Variants in LRRC4C observed in about 807,000 individuals in gnomAD.
LRRC4C encodes the protein leucine-rich repeat-containing protein 4C.
In LRRC4C, 5 loss-of-function variants were observed where a neutral mutation model predicts 33.6. The ratio of observed to expected loss-of-function variants is 0.15; its 90% CI spans 0.08 to 0.31. The LOEUF (loss-of-function observed/expected upper bound fraction) is 0.31, where lower values mean the gene tolerates loss of function less well. Among genes scored for constraint, LRRC4C ranks in the 10% least tolerant of loss-of-function variants. The pLI, the probability that LRRC4C is intolerant of heterozygous loss-of-function variation, is 1.00. For synonymous variants in LRRC4C, 329 were observed against 302.0 expected, an observed-to-expected ratio of 1.09 and a Z score of -0.93; for missense variants, 560 against 796.7, an observed-to-expected ratio of 0.70 and a Z score of 3.58.
rs951987965 is a variant in LRRC4C, at chr11:40,240,130, C to T, written c.-96+1389G>A. 3.3e-5 allele frequency among the ~76,000 whole-genome samples: 5 copies of T among 152,094 alleles called. 1 individual carries two copies. The highest frequency in any genetic ancestry group is 2.0e-4 in the Admixed American group (3 of 15,270). On this transcript the variant is annotated intron_variant, in intron 5 of 6. Transcript: ENST00000528697. ...GCAGTCTCTTTGCTCTAAACCATAA[C>T]TTTATTAAAAAAAACTATTTGCTTT...
intron 1 of LRRC4C, among the ~76,000 whole-genome samples, chr11:41,040,591 C>T (rs1375713139): frequency 1.3e-5 from 2 of 152,202 alleles, no homozygotes; most frequent in African/African-American, 4.8e-5. Context: ...TTTGATCAGA[C>T]TATTCAGCCT....
At chr11:41,123,083 A>G (rs1271274672) in intron 1 of LRRC4C, 2 of 152,132 alleles carry the variant, frequency 1.3e-5, no homozygotes, top group East Asian at 1.9e-4. Context: ...AGATCATCCA[A>G]TAAAAACTCC....
rs1565542346 is a variant in LRRC4C, at chr11:41,279,421, CA to C, written c.-496+180009del. 5.2e-4 allele frequency among the ~76,000 whole-genome samples: 75 copies of C among 143,278 alleles called. 1 individual carries two copies. In the East Asian group the frequency reaches 8.9e-3, roughly 17 times the overall value. The allele number at this position is 143,278 out of a possible 152,430, so 94.0% of individuals were successfully genotyped here. ...ACACACACACACACACACACACACA[CA>C]CACACACCGTGGCAATCACTGCCTG... On this transcript the variant is annotated intron_variant, in intron 1 of 6. Transcript: ENST00000528697.
intron 1 of LRRC4C, among the ~76,000 whole-genome samples, chr11:41,413,036 T>G (rs1287749889): frequency 7.6e-6 from 1 of 131,554 alleles, no homozygotes; most frequent in Admixed American, 7.0e-5. Context: ...TTTTCTTACT[T>G]TTTTTTCTTT....
At chr11:41,226,192 TC>T (rs1306107662) in intron 1 of LRRC4C, among the ~76,000 whole-genome samples, 2 of 152,232 alleles carry the variant, frequency 1.3e-5, no homozygotes, top group Non-Finnish European at 2.9e-5. Flanking sequence ...TATATGTCAC[TC>T]CCCTCTATGG....
intron 1 of LRRC4C, among the ~76,000 whole-genome samples, chr11:41,286,537 AATGGTAATATTCTATTATGCAAATAAAG>A (rs1165636375): frequency 6.6e-6 from 1 of 152,222 alleles, no homozygotes; most frequent in Non-Finnish European, 1.5e-5. Flanking sequence ...GCTCTAATAG[AATGGTAATATTCTATTATGCAAATAAAG>A]ATGGTAATAT....
chr11:40,974,588 A>G lies in LRRC4C; in HGVS notation c.-495-40865T>C, dbSNP rs1851952341. On this transcript the variant is annotated intron_variant, in intron 1 of 6. Coordinates refer to ENST00000528697, the MANE Select transcript of LRRC4C (RefSeq NM_001258419.2). Reference sequence around the variant, plus strand: ...AAAGTTCAAGCTTGTCAATATTATAAGTGTGATGGTTAGTTTTACCTGTCA... The same window carrying G: ...AAAGTTCAAGCTTGTCAATATTATAGGTGTGATGGTTAGTTTTACCTGTCA... Among the ~76,000 whole-genome samples the G allele has an allele frequency of 2.0e-5, 3 of 152,332 alleles. No homozygotes were observed. In the South Asian group the frequency reaches 6.2e-4, roughly 32 times the overall value.
chr11:40,986,620 G>A (rs1853028833), intron 1 of LRRC4C, among the ~76,000 whole-genome samples: 1 of 151,752 alleles, frequency 6.6e-6, no homozygotes, highest in Non-Finnish European at 1.5e-5. Flanking sequence ...GGGAGAGAAA[G>A]GACTGGGACT....
At chr11:40,835,783 T>C (rs1317589998) in intron 2 of LRRC4C, among the ~76,000 whole-genome samples, 1 of 152,160 alleles carries the variant, frequency 6.6e-6, no homozygotes, top group East Asian at 1.9e-4. Flanking sequence ...TTAAGAGAAA[T>C]ATTAATATGT....
chr11:40,163,169 T>A (rs1859303722), intron 5 of LRRC4C, among the ~76,000 whole-genome samples: 1 of 152,196 alleles, frequency 6.6e-6, no homozygotes, highest in Non-Finnish European at 1.5e-5. Context: ...GTGCATCCTA[T>A]CCATACCCTA....
In LRRC4C at chr11:41,206,790, C is replaced by T. The variant is rs866965911; in HGVS notation, c.-496+252641G>A. Among the ~76,000 whole-genome samples, 4 of 152,002 alleles carry T rather than the reference C, an allele frequency of 2.6e-5. No homozygotes were observed. The South Asian group carries it at 8.3e-4, about 31-fold the overall frequency. ...ATACTTATGGACTATTTGGGGGTTTCCCTGTATAATCTCAATCCTCATAAC... is the reference window on the plus strand; with the variant it reads ...ATACTTATGGACTATTTGGGGGTTTTCCTGTATAATCTCAATCCTCATAAC... On this transcript the variant is annotated intron_variant, in intron 1 of 6. Transcript: ENST00000528697.
chr11:41,165,568 T>A (rs1319230503), intron 1 of LRRC4C, among the ~76,000 whole-genome samples: 1 of 152,110 alleles, frequency 6.6e-6, no homozygotes, highest in Non-Finnish European at 1.5e-5. Context: ...GTTTCAATAA[T>A]CTATACAATG....
At chr11:40,858,247 A>G (rs566394407) in intron 2 of LRRC4C, among the ~76,000 whole-genome samples, 1 of 152,332 alleles carries the variant, frequency 6.6e-6, no homozygotes, top group Admixed American at 6.5e-5. Flanking sequence ...CACTGGACGT[A>G]ACTGGGCAAA....
At chr11:40,607,413 C>G (rs897575150) in intron 3 of LRRC4C, among the ~76,000 whole-genome samples, 2 of 152,108 alleles carry the variant, frequency 1.3e-5, no homozygotes, top group Admixed American at 1.3e-4. Flanking sequence ...CTATAAAAAA[C>G]CTGTGACCAT....
chr11:40,130,526 GA>G (rs1856575437), intron 6 of LRRC4C, among the ~76,000 whole-genome samples: 1 of 152,132 alleles, frequency 6.6e-6, no homozygotes, highest in Non-Finnish European at 1.5e-5. Context: ...CACAGTGCAA[GA>G]AAGCATAGCC....
intron 1 of LRRC4C, among the ~76,000 whole-genome samples, chr11:41,109,116 G>A (rs1443252958): frequency 6.6e-6 from 1 of 151,946 alleles, no homozygotes; most frequent in Non-Finnish European, 1.5e-5. Flanking sequence ...ATTTCCTTGT[G>A]TTTTCTCTCC....
chr11:40,322,014 G>T (rs750257111), intron 3 of LRRC4C, among the ~76,000 whole-genome samples: 61 of 152,012 alleles, frequency 4.0e-4, no homozygotes, highest in Non-Finnish European at 6.9e-4. Flanking sequence ...CAAGGCAGGG[G>T]GTTTGTTGAT....
At chr11:40,555,363 T>C (rs548933484) in intron 3 of LRRC4C, among the ~76,000 whole-genome samples, 1 of 152,338 alleles carries the variant, frequency 6.6e-6, no homozygotes, top group African/African-American at 2.4e-5. Flanking sequence ...AAAATCACTC[T>C]CTGAAATATT....
intron 3 of LRRC4C, among the ~76,000 whole-genome samples, chr11:40,525,151 T>A (rs1591001339): frequency 6.6e-6 from 1 of 151,926 alleles, no homozygotes; most frequent in East Asian, 1.9e-4. Flanking sequence ...AAATAAGGCT[T>A]AAGAAAGGGG....
Sources: gnomAD v4.1 joint callset for allele counts (sites outside exome capture counted in the v4.1 genomes callset) on GRCh38, gnomAD v4.1.1 for gene constraint, MANE v1.5 for transcripts, NCBI Gene and HGNC (gene_info 2026-07-23, HGNC 2026-07-21) for gene names.